SP6: variants seen among roughly 807,000 people sequenced by gnomAD.
SP6 encodes transcription factor Sp6.
In SP6, 10 loss-of-function variants were observed where a neutral mutation model predicts 23.4. The ratio of observed to expected loss-of-function variants is 0.43; its 90% CI spans 0.26 to 0.72. SP6 has a LOEUF of 0.72. Ranked by LOEUF, SP6 falls within the 30% of genes least tolerant of loss-of-function variation. SP6 has a pLI of 0.23. For synonymous variants in SP6, 238 were observed against 238.7 expected, an observed-to-expected ratio of 1.00 and a Z score of 0.03; for missense variants, 482 against 523.8, an observed-to-expected ratio of 0.92 and a Z score of 0.78.
At chr17:47,849,301 G>A (rs1308405705) in intron 1 of SP6, among the ~76,000 whole-genome samples, 1 of 152,178 alleles carries the variant, frequency 6.6e-6, no homozygotes, top group African/African-American at 2.4e-5. Flanking sequence ...GCTAGGGGAG[G>A]CCCAGATAGA....
chr17:47,851,262 G>C (rs1366745345), upstream of SP6: 2 of 122 alleles, frequency 0.016, no homozygotes, highest in African/African-American at 0.05. Context: ...CGGCTGGACC[G>C]GAGCCCAGCC....
upstream of SP6, among the ~76,000 whole-genome samples, chr17:47,853,682 C>T (rs1006787257): frequency 1.3e-5 from 2 of 152,194 alleles, no homozygotes; most frequent in African/African-American, 4.8e-5. Flanking sequence ...CTCTAGGCCC[C>T]CTTTAGCCCT....
chr17:47,868,798 G>A, the SP6 span, among the ~76,000 whole-genome samples: 1 of 152,180 alleles, frequency 6.6e-6, no homozygotes, highest in African/African-American at 2.4e-5. Flanking sequence ...GGGTTCCTGA[G>A]GTAGGGGGCT....
At chr17:47,850,712 G>A (rs1009997359) in intron 1 of SP6, among the ~76,000 whole-genome samples, 3 of 152,166 alleles carry the variant, frequency 2.0e-5, no homozygotes, top group Non-Finnish European at 4.4e-5. Context: ...TGTCCCAGTC[G>A]CTCCAGTTGC....
In SP6 at chr17:47,848,290, A is replaced by C; in HGVS notation, c.140T>G (p.Leu47Arg). 6.2e-7 allele frequency: 1 copy of C among 1,612,204 alleles called. No homozygotes were observed. Among genetic ancestry groups the C allele is most frequent in the Non-Finnish European group, 8.5e-7 (1 of 1,179,340 alleles). The change falls in exon 2 of 2, where the codon CTG becomes CGG. Residue 47 changes from leucine to arginine, a missense_variant. By Grantham distance (102) the Leu-to-Arg change is moderately radical. Coordinates refer to ENST00000536300, the MANE Select transcript of SP6 (RefSeq NM_001258248.2). This position sits in a 1 kb window ranked among gnomAD's most constrained non-coding sequence, Gnocchi z 5.3. ...SPEAGDYPSP[L>R]QPGELQSLPL... ...GAGGCTCTGCAGCTCTCCAGGCTGC[A>C]GCGGGGAGGGGTAGTCCCCGGCCTC...
In SP6 at chr17:47,851,120, G is replaced by T. The variant is rs1025121020; in HGVS notation, c.-259C>A. 1 of 152,468 alleles carries T rather than the reference G, an allele frequency of 6.6e-6. No homozygotes were observed. Among genetic ancestry groups the T allele is most frequent in the African/African-American group, 2.4e-5 (1 of 41,448 alleles). The allele number at this position is 152,468 out of a possible 1,614,324, so 9.4% of individuals were successfully genotyped here. A position where few individuals can be genotyped will look rare whatever the true frequency, so the allele number is the denominator to read the frequency against. ...GGACGGAGGGCGGGCAGGAGCCAGC[G>T]AGCGAACAAGGCCAGCTCCGCCCGT... On this transcript the variant is annotated 5_prime_UTR_variant, in exon 1 of 2. Coordinates refer to ENST00000536300, the MANE Select transcript of SP6 (RefSeq NM_001258248.2).
At chr17:47,871,399 T>G in the SP6 span, among the ~76,000 whole-genome samples, 1 of 152,234 alleles carries the variant, frequency 6.6e-6, no homozygotes, top group Non-Finnish European at 1.5e-5. Flanking sequence ...CCAGTCTTCA[T>G]TCAACCTCAC....
At chr17:47,850,658 T>A (rs1161773282) in intron 1 of SP6, among the ~76,000 whole-genome samples, 6 of 152,162 alleles carry the variant, frequency 3.9e-5, no homozygotes. Context: ...CCTCTCTGGA[T>A]CACCGGCTAG....
Position 47,850,948 on chromosome 17 carries a change from C to G in SP6, c.-87G>C, listed in dbSNP as rs2033948577. 6.6e-6 allele frequency: 1 copy of G among 152,456 alleles called. No homozygotes were observed. Among genetic ancestry groups the G allele is most frequent in the South Asian group, 2.1e-4 (1 of 4,844 alleles). The allele number at this position is 152,456 out of a possible 1,614,324, so 9.4% of individuals were successfully genotyped here. On this transcript the variant is annotated 5_prime_UTR_variant, in exon 1 of 2. Coordinates refer to ENST00000536300, the MANE Select transcript of SP6 (RefSeq NM_001258248.2). The stretch of plus-strand genomic sequence containing the variant: ...AGGCTGCGGCGGGCTCCGGGCACGG[C>G]TGGCTGGTGCGCTACTGACGGTCGC...
chr17:47,853,199 G>T (rs1311998460), upstream of SP6, among the ~76,000 whole-genome samples: 1 of 152,234 alleles, frequency 6.6e-6, no homozygotes. Flanking sequence ...ATCAGTCGGG[G>T]TTTGCTTTTT....
chr17:47,848,030 G>T lies in SP6; in HGVS notation c.400C>A (p.His134Asn), dbSNP rs753837079. 3.1e-6 allele frequency: 5 copies of T among 1,611,450 alleles called. No individual in the cohort carries two copies. The highest frequency in any genetic ancestry group is 4.2e-6 in the Non-Finnish European group (5 of 1,179,286). ...HPGTSWMDLPHTQGALTSPGH... is the reference protein window; with the variant it reads ...HPGTSWMDLPNTQGALTSPGH... Reference sequence around the variant, plus strand: ...GGTGAGGTCAGCGCGCCCTGAGTGTGGGGGAGGTCCATCCAGCTGGTGCCC... The same window carrying T: ...GGTGAGGTCAGCGCGCCCTGAGTGTTGGGGAGGTCCATCCAGCTGGTGCCC... Residue 134 changes from histidine to asparagine, a missense_variant, in exon 2 of 2, where the codon CAC becomes AAC. Physicochemically the swap from His to Asn is moderately conservative, Grantham distance 68. Around this residue, in one of 3 missense-constraint regions of SP6, gnomAD observed 330 missense variants for 332.3 expected, o/e 0.99. Transcript: ENST00000536300. The surrounding 1 kb of genome is among the most constrained non-coding windows in gnomAD (Gnocchi z 5.3).
At chr17:47,852,425 C>CT (rs35182391), upstream of SP6, among the ~76,000 whole-genome samples, 3 of 151,808 alleles carry the variant, frequency 2.0e-5, no homozygotes, top group Non-Finnish European at 2.9e-5. Flanking sequence ...CATGTGACCC[C>CT]TTTTTTCACA....
upstream of SP6, among the ~76,000 whole-genome samples, chr17:47,859,836 A>G (rs1183625606): frequency 6.6e-6 from 1 of 152,082 alleles, no homozygotes; most frequent in East Asian, 1.9e-4. Flanking sequence ...CCCTGCTTGG[A>G]ACAAGGAATT....
rs1051324545 is a variant in SP6, at chr17:47,846,540, C to T, written c.*759G>A. 5.3e-5 allele frequency: 8 copies of T among 152,188 alleles called. No individual in the cohort carries two copies. Among genetic ancestry groups the T allele is most frequent in the African/African-American group, 1.9e-4 (8 of 41,414 alleles). The allele number at this position is 152,188 out of a possible 1,614,324, so 9.4% of individuals were successfully genotyped here. A position where few individuals can be genotyped will look rare whatever the true frequency, so the allele number is the denominator to read the frequency against. ...TCCATACCCCACCAAATCCCTATCT[C>T]TCATTTTAGAAGAGGACTTCCCTAC... is the stretch of plus-strand genomic sequence containing the variant. On this transcript the variant is annotated 3_prime_UTR_variant, in exon 2 of 2. Transcript: ENST00000536300.
At chr17:47,866,922 C>T in the SP6 span, among the ~76,000 whole-genome samples, 2 of 152,028 alleles carry the variant, frequency 1.3e-5, no homozygotes, top group Non-Finnish European at 2.9e-5. Context: ...GGGAGGTGAG[C>T]AGAGGGCAGG....
At chr17:47,863,061 G>A in the SP6 span, among the ~76,000 whole-genome samples, 5 of 152,280 alleles carry the variant, frequency 3.3e-5, no homozygotes, top group African/African-American at 1.2e-4. Context: ...GGCAGTCCTG[G>A]AGCCTGGTGT....
chr17:47,868,029 C>T, the SP6 span, among the ~76,000 whole-genome samples: 1 of 152,136 alleles, frequency 6.6e-6, no homozygotes, highest in Non-Finnish European at 1.5e-5. Context: ...TGCACACACG[C>T]CCTCACTCAG....
the SP6 span, among the ~76,000 whole-genome samples, chr17:47,875,083 GCTT>G: frequency 6.7e-6 from 1 of 150,050 alleles, no homozygotes; most frequent in African/African-American, 2.4e-5. Flanking sequence ...CTCCCACCCG[GCTT>G]CTTCTCTTCT....
At chr17:47,875,610 C>T in the SP6 span, among the ~76,000 whole-genome samples, 6 of 152,352 alleles carry the variant, frequency 3.9e-5, no homozygotes, top group East Asian at 9.6e-4. Context: ...GAAGCAGCAA[C>T]GCTGGATGGC....
Sources: allele counts gnomAD v4.1 joint callset (sites outside exome capture counted in the v4.1 genomes callset), GRCh38; gene constraint gnomAD v4.1.1; regional missense constraint gnomAD v4.1.1; non-coding constraint Gnocchi (gnomAD v3.1); transcripts MANE v1.5; gene names NCBI Gene and HGNC (gene_info 2026-07-23, HGNC 2026-07-21).